The following FZR1 variants were observed in gnomAD, a reference collection of about 807,000 sequenced individuals.
FZR1 encodes fizzy-related protein homolog.
FZR1 carries 11 observed loss-of-function variants against 63.6 expected under a neutral mutation model. The ratio of observed to expected loss-of-function variants is 0.17; its 90% confidence interval spans 0.11 to 0.29. The LOEUF (loss-of-function observed/expected upper bound fraction) is 0.29. Ranked by LOEUF, FZR1 falls within the 10% of genes least tolerant of loss-of-function variation. The pLI, the probability that FZR1 is intolerant of heterozygous loss-of-function variation, is 1.00. For synonymous variants in FZR1, 328 were observed against 297.9 expected (o/e 1.10, Z -1.04); for missense variants, 440 against 687.5 (o/e 0.64, Z 4.03).
At chr19:3,512,579 G>A (rs965779885) in intron 1 of FZR1, among the ~76,000 whole-genome samples, 4 of 152,212 alleles carry the variant, frequency 2.6e-5, no homozygotes, top group Admixed American at 6.5e-5. Context: ...AGGGCACAAG[G>A]AGGGTTAGCG....
chr19:3,537,626 GGGGGCCGGGGGCTGCAGGGGAGGCTGT>G lies in FZR1; in HGVS notation c.*2795_*2821del. 1 of 152,962 alleles carries G rather than the reference GGGGGCCGGGGGCTGCAGGGGAGGCTGT, an allele frequency of 6.5e-6. No homozygotes were observed. The highest frequency in any genetic ancestry group is 1.5e-5 in the Non-Finnish European group (1 of 68,638). 9.5% of individuals were successfully genotyped at this position (152,962 alleles called of 1,614,324 possible). ...AGTGGCTGAGGGAGCCAGGAGGCCG[GGGGGCCGGGGGCTGCAGGGGAGGCTGT>G]GGGGGTCCTGGCAGCCAGGAGGCCC... On this transcript the variant is annotated 3_prime_UTR_variant, in exon 14 of 14. Coordinates refer to ENST00000441788, the MANE Select transcript of FZR1 (RefSeq NM_016263.4).
chr19:3,522,108 C>T (rs540779879), intron 1 of FZR1, among the ~76,000 whole-genome samples: 7 of 152,204 alleles, frequency 4.6e-5, no homozygotes, highest in African/African-American at 1.2e-4. Flanking sequence ...CAAAAAGAAC[C>T]GCTGTATTTA....
At chr19:3,521,425 G>A (rs1181981381) in intron 1 of FZR1, 1 of 152,180 alleles carries the variant, frequency 6.6e-6, no homozygotes, top group Non-Finnish European at 1.5e-5. Flanking sequence ...TTTCAGTTTG[G>A]GAAGATGAGA....
chr19:3,510,276 C>G (rs894545485), intron 1 of FZR1, among the ~76,000 whole-genome samples: 1 of 152,084 alleles, frequency 6.6e-6, no homozygotes, highest in African/African-American at 2.4e-5. Context: ...AGCTGGGACT[C>G]CAGGCGCGCC....
chr19:3,530,115 G>A (rs2083225519), intron 7 of FZR1, among the ~76,000 whole-genome samples: 1 of 127,222 alleles, frequency 7.9e-6, no homozygotes, highest in East Asian at 2.3e-4. Context: ...TGAGGGAGCG[G>A]ATGGGTGAGC....
intron 1 of FZR1, among the ~76,000 whole-genome samples, chr19:3,522,006 G>A (rs1001749584): frequency 1.1e-4 from 16 of 152,186 alleles, no homozygotes; most frequent in African/African-American, 2.2e-4. Flanking sequence ...ACAGGTGCGC[G>A]CCACCACACT....
intron 7 of FZR1, among the ~76,000 whole-genome samples, chr19:3,529,290 G>A (rs1488335675): frequency 1.3e-5 from 2 of 150,814 alleles, no homozygotes; most frequent in Non-Finnish European, 3.0e-5. Flanking sequence ...GGTTGAGGAA[G>A]TGGATGGTTG....
intron 1 of FZR1, among the ~76,000 whole-genome samples, chr19:3,507,680 C>T (rs1357850060): frequency 1.3e-5 from 2 of 152,162 alleles, no homozygotes; most frequent in Admixed American, 6.5e-5. Flanking sequence ...GGGCAGCCTG[C>T]GGGGACTTTG....
chr19:3,537,203 C>T lies in FZR1; in HGVS notation c.*2367C>T, dbSNP rs1184494764. On this transcript the variant is annotated 3_prime_UTR_variant, in exon 14 of 14. Coordinates refer to ENST00000441788, the MANE Select transcript of FZR1 (RefSeq NM_016263.4). ...ATGGGGGAATTGGTTCCCCATGGCC[C>T]AGGACAGCTGAGAGGAGGTGGAGGG... 6.6e-6 allele frequency: 1 copy of T among 152,458 alleles called. No homozygotes were observed. The highest frequency in any genetic ancestry group is 3.1e-3 in the Middle Eastern group (1 of 320). 9.4% of individuals were successfully genotyped at this position (152,458 alleles called of 1,614,324 possible).
chr19:3,534,376 C>G (rs750071174), intron 12 of FZR1, 45 bp from the exon 13 acceptor site: 11 of 1,092,946 alleles, frequency 1.0e-5, no homozygotes, highest in Non-Finnish European at 6.9e-6. Context: ...TGTCCCGAGG[C>G]ACCTAGAGGC....
rs1461419835 is a variant in FZR1, at chr19:3,514,435, C to T, written c.-35+7961C>T. 2.0e-5 allele frequency among the ~76,000 whole-genome samples: 3 copies of T among 152,162 alleles called. No individual in the cohort carries two copies. The highest frequency in any genetic ancestry group is 7.2e-5 in the African/African-American group (3 of 41,408). ...CTGGGCACTACAGGGTGCTGAGCAG[C>T]GTCCCTGGCCTCCACCCACTCCACG... On this transcript the variant is annotated intron_variant, in intron 1 of 13. Coordinates refer to ENST00000441788, the MANE Select transcript of FZR1 (RefSeq NM_016263.4). This position sits in a 1 kb window ranked among gnomAD's most constrained non-coding sequence, Gnocchi z 4.2.
chr19:3,516,217 C>T lies in FZR1; in HGVS notation c.-34-6739C>T, dbSNP rs892076751. ...CACGCCTGGGATGGTGAGGCCGAGT[C>T]CCCCAGCCCACAGCCTCCCCCACCG... On this transcript the variant is annotated intron_variant, in intron 1 of 13. Coordinates refer to ENST00000441788, the MANE Select transcript of FZR1 (RefSeq NM_016263.4). The surrounding 1 kb of genome is among the most constrained non-coding windows in gnomAD (Gnocchi z 6.0). Among the ~76,000 whole-genome samples, 1 of 152,146 alleles carries T rather than the reference C, an allele frequency of 6.6e-6. No individual in the cohort carries two copies. Among genetic ancestry groups the T allele is most frequent in the Non-Finnish European group, 1.5e-5 (1 of 68,008 alleles).
chr19:3,525,410 G>A lies in FZR1; in HGVS notation c.70-458G>A, dbSNP rs1432200245. ...ACCATGAGTGACCACGAGTGACTGTGTGGCTCCCCTCCTTGGGTTTTCTTT... is the reference window on the plus strand; with the variant it reads ...ACCATGAGTGACCACGAGTGACTGTATGGCTCCCCTCCTTGGGTTTTCTTT... On this transcript the variant is annotated intron_variant, in intron 2 of 13. Transcript: ENST00000441788. This position sits in a 1 kb window ranked among gnomAD's most constrained non-coding sequence, Gnocchi z 4.2. Among the ~76,000 whole-genome samples the A allele has an allele frequency of 1.4e-5, 2 of 147,822 alleles. No homozygotes were observed. The highest frequency in any genetic ancestry group is 4.0e-4 in the East Asian group (2 of 5,020).
At chr19:3,532,363 C>T in intron 10 of FZR1, 54 bp from the exon 11 acceptor site, 3 of 1,408,102 alleles carry the variant, frequency 2.1e-6, no homozygotes, top group Non-Finnish European at 2.9e-6. Context: ...TGAGGACCGG[C>T]CTATGGGACC....
chr19:3,524,558 C>T (rs1027034475), intron 2 of FZR1, among the ~76,000 whole-genome samples: 2 of 152,164 alleles, frequency 1.3e-5, no homozygotes, highest in African/African-American at 4.8e-5. Flanking sequence ...TGACAGCAGA[C>T]GGAATATGAC....
Position 3,533,417 on chromosome 19 carries a change from C to A in FZR1, c.1347+19C>A. 6.7e-7 allele frequency: 1 copy of A among 1,482,598 alleles called. No homozygotes were observed. Among genetic ancestry groups the A allele is most frequent in the Non-Finnish European group, 9.4e-7 (1 of 1,061,176 alleles). The allele number at this position is 1,482,598 out of a possible 1,614,324, so 91.8% of individuals were successfully genotyped here. ...GTACCTGGTGAGTTCACGCCAGGCA[C>A]TTCAAGGTGCCCCGGGATTCTGGAC... On this transcript the variant is annotated intron_variant, in intron 12 of 13. Transcript: ENST00000441788. This position sits in a 1 kb window ranked among gnomAD's most constrained non-coding sequence, Gnocchi z 4.9.
rs535417513 is a variant in FZR1 at position 3,527,256 on chromosome 19, G to GCC, written c.470+199_470+200dup. 3.7e-3 allele frequency among the ~76,000 whole-genome samples: 567 copies of GCC among 152,324 alleles called. 7 individuals carry two copies. The highest frequency in any genetic ancestry group is 0.013 in the African/African-American group (546 of 41,574). Reference sequence around the variant, plus strand: ...GAGTCCTTAGAGTGGAGGGGCCCCAGCCCCCCATGAGGCCATGGTCAGTAA... The same window carrying GCC: ...GAGTCCTTAGAGTGGAGGGGCCCCAGCCCCCCCCATGAGGCCATGGTCAGTAA... On this transcript the variant is annotated intron_variant, in intron 6 of 13. Transcript: ENST00000441788.
chr19:3,510,361 C>T (rs2122107125), intron 1 of FZR1, among the ~76,000 whole-genome samples: 1 of 152,292 alleles, frequency 6.6e-6, no homozygotes, highest in South Asian at 2.1e-4. Flanking sequence ...CCTTGAAGTC[C>T]TGGGCTCAAG....
intron 7 of FZR1, 98 bp downstream of exon 7, chr19:3,527,912 C>T (rs2083177228): frequency 1.1e-6 from 1 of 933,868 alleles, no homozygotes; most frequent in Admixed American, 2.8e-5. Flanking sequence ...CAGTACGAGC[C>T]AGGCGCCTGC....
Sources: allele counts gnomAD v4.1 joint callset (sites outside exome capture counted in the v4.1 genomes callset), GRCh38; gene constraint gnomAD v4.1.1; non-coding constraint Gnocchi (gnomAD v3.1); transcripts MANE v1.5; gene names NCBI Gene and HGNC (gene_info 2026-07-23, HGNC 2026-07-21).